JPH1: variants seen among roughly 807,000 people sequenced by gnomAD.
The protein encoded by JPH1 is junctophilin-1.
A neutral mutation model predicts 53.6 loss-of-function variants in JPH1; 12 were observed. The observed-to-expected ratio is 0.22, with a 90% CI of 0.14 to 0.36. The LOEUF (loss-of-function observed/expected upper bound fraction) is 0.36, where lower values mean the gene tolerates loss of function less well. Among genes scored for constraint, JPH1 ranks in the 10% least tolerant of loss-of-function variants. The probability of loss-of-function intolerance (pLI) is 1.00; values close to 1 mark genes in which losing one functional copy is unlikely to be tolerated. For missense variants in JPH1, 808 were observed against 905.5 expected, an observed-to-expected ratio of 0.89 and a Z score of 1.38; for synonymous variants, 375 against 363.8, an observed-to-expected ratio of 1.03 and a Z score of -0.35.
Position 74,235,154 on chromosome 8 carries a change from T to C in JPH1, c.*1897A>G, listed in dbSNP as rs1806959857. On this transcript the variant is annotated 3_prime_UTR_variant, in exon 6 of 6. Coordinates refer to ENST00000342232, the MANE Select transcript of JPH1 (RefSeq NM_020647.4). ...TATTATTTTTTTAAAAAACCAGCTT[T>C]CCCAGCGTAAGGAGCTATAGGGTTT... 6.6e-6 allele frequency: 1 copy of C among 152,466 alleles called. No individual in the cohort carries two copies. Among genetic ancestry groups the C allele is most frequent in the Non-Finnish European group, 1.5e-5 (1 of 68,026 alleles). The allele number at this position is 152,466 out of a possible 1,614,324, so 9.4% of individuals were successfully genotyped here.
At chr8:74,274,790 C>T (rs1362568621) in intron 2 of JPH1, among the ~76,000 whole-genome samples, 3 of 152,158 alleles carry the variant, frequency 2.0e-5, no homozygotes, top group African/African-American at 7.2e-5. Flanking sequence ...AGACAGTTAA[C>T]TTTTGAGGAA....
At chr8:74,245,216 T>C (rs1451561748) in intron 3 of JPH1, 41 bp from the exon 4 acceptor site, 1 of 1,484,786 alleles carries the variant, frequency 6.7e-7, no homozygotes, top group African/African-American at 1.4e-5. Flanking sequence ...AGAAAGGAGG[T>C]ATATATACAT....
rs961749190 is a variant in JPH1, at chr8:74,235,656, T to C, written c.*1395A>G. The C allele has an allele frequency of 6.6e-6, 1 of 152,646 alleles. No homozygotes were observed. The highest frequency in any genetic ancestry group is 2.4e-5 in the African/African-American group (1 of 41,462). The allele number at this position is 152,646 out of a possible 1,614,324, so 9.5% of individuals were successfully genotyped here. A position where few individuals can be genotyped will look rare whatever the true frequency, so the allele number is the denominator to read the frequency against. On this transcript the variant is annotated 3_prime_UTR_variant, in exon 6 of 6. Coordinates refer to ENST00000342232, the MANE Select transcript of JPH1 (RefSeq NM_020647.4). ...TAAGTAATTACTTTTATAAAGACCA[T>C]TTAGTTTCTATAAGTAAGCATGCTT...
In JPH1 at chr8:74,254,461, C is replaced by G. The variant is rs200093125; in HGVS notation, c.1258+4924G>C. Among the ~76,000 whole-genome samples the G allele has an allele frequency of 7.1e-3, 1,080 of 152,044 alleles. 16 individuals carry two copies. The highest frequency in any genetic ancestry group is 0.021 in the African/African-American group (878 of 41,422). On this transcript the variant is annotated intron_variant, in intron 3 of 5. Coordinates refer to ENST00000342232, the MANE Select transcript of JPH1 (RefSeq NM_020647.4). ...CATACTGAATGGGCAAAAACTGGAACCATTCCCTTTGAAAACTGGCACAAG... is the reference window on the plus strand; with the variant it reads ...CATACTGAATGGGCAAAAACTGGAAGCATTCCCTTTGAAAACTGGCACAAG...
chr8:74,276,276 G>T lies in JPH1; in HGVS notation c.1140-16773C>A, dbSNP rs192369896. On this transcript the variant is annotated intron_variant, in intron 2 of 5. Transcript: ENST00000342232. ...GAACAGGTCCCAGATGTCTACACTA[G>T]CCATAGGACCGTGCTCCACTCATCC... is the stretch of plus-strand genomic sequence containing the variant. Among the ~76,000 whole-genome samples, 472 of 152,272 alleles carry T rather than the reference G, an allele frequency of 3.1e-3. 2 individuals carry two copies. The highest frequency in any genetic ancestry group is 0.011 in the African/African-American group (452 of 41,568).
Position 74,320,761 on chromosome 8 carries a change from G to T in JPH1, c.379+148C>A. On this transcript the variant is annotated intron_variant, in intron 1 of 5. Transcript: ENST00000342232. The surrounding 1 kb of genome is among the most constrained non-coding windows in gnomAD (Gnocchi z 4.4). Reference sequence around the variant, plus strand: ...CCAGCGCCCTCTCTGGGAAAGGCGGGCGCGGGCGCGGGGGTGGGAGGCGCC... The same window carrying T: ...CCAGCGCCCTCTCTGGGAAAGGCGGTCGCGGGCGCGGGGGTGGGAGGCGCC... The T allele has an allele frequency of 2.1e-6, 2 of 954,124 alleles. No individual in the cohort carries two copies. Among genetic ancestry groups the T allele is most frequent in the Non-Finnish European group, 2.9e-6 (2 of 691,330 alleles). The allele number at this position is 954,124 out of a possible 1,614,324, so 59.1% of individuals were successfully genotyped here.
chr8:74,318,635 G>A (rs921213180), intron 1 of JPH1, among the ~76,000 whole-genome samples: 22 of 152,108 alleles, frequency 1.4e-4, no homozygotes, highest in South Asian at 2.1e-4. Flanking sequence ...TGGAATTACT[G>A]CTTCCTTCCT....
intron 2 of JPH1, among the ~76,000 whole-genome samples, chr8:74,278,748 C>G (rs7819897): frequency 0.1 from 15,295 of 152,032 alleles, 2,060 homozygotes; most frequent in African/African-American, 0.31. Flanking sequence ...CCTTCATGAG[C>G]GATGACAGAG....
chr8:74,257,064 A>G (rs1471568782), intron 3 of JPH1, among the ~76,000 whole-genome samples: 1 of 152,234 alleles, frequency 6.6e-6, no homozygotes, highest in Non-Finnish European at 1.5e-5. Context: ...AGTGGAGAGC[A>G]TGAGTTATGC....
intron 2 of JPH1, among the ~76,000 whole-genome samples, chr8:74,275,813 A>G (rs1806830914): frequency 6.6e-6 from 1 of 152,150 alleles, no homozygotes; most frequent in African/African-American, 2.4e-5. Flanking sequence ...AGGCAGACAC[A>G]CTTCCCCACC....
chr8:74,286,100 T>C (rs942736591), intron 2 of JPH1, among the ~76,000 whole-genome samples: 1 of 152,330 alleles, frequency 6.6e-6, no homozygotes, highest in Admixed American at 6.5e-5. Context: ...TAGCCTTTCA[T>C]ATGCAATGCT....
intron 2 of JPH1, among the ~76,000 whole-genome samples, chr8:74,284,222 C>T (rs2131423080): frequency 6.6e-6 from 1 of 152,334 alleles, no homozygotes; most frequent in African/African-American, 2.4e-5. Context: ...ACTGAACTCT[C>T]TCCTTTATCC....
chr8:74,314,396 C>T (rs1301595850), intron 2 of JPH1, among the ~76,000 whole-genome samples: 1 of 152,196 alleles, frequency 6.6e-6, no homozygotes, highest in African/African-American at 2.4e-5. Flanking sequence ...GCTAAGTGTA[C>T]ATACCTCCGA....
Position 74,244,559 on chromosome 8 carries a change from T to C in JPH1, c.1875A>G (p.Ser625=). The change falls in exon 4 of 6, where the codon TCA becomes TCG. Residue 625 remains serine, a synonymous_variant. Transcript: ENST00000342232. ...TGGCTTCTTTTTCCAAAGCAGGGCA[T>C]GAATCGTTGCTTGCTGGATTCTTTG... ...AIPKNPASND[S]CPALEKEANS... 1 of 1,611,988 alleles carries C rather than the reference T, an allele frequency of 6.2e-7. No homozygotes were observed. The highest frequency in any genetic ancestry group is 8.5e-7 in the Non-Finnish European group (1 of 1,179,194).
chr8:74,267,914 G>C (rs143836158), intron 2 of JPH1, among the ~76,000 whole-genome samples: 2 of 152,090 alleles, frequency 1.3e-5, no homozygotes, highest in African/African-American at 4.8e-5. Flanking sequence ...AAGAATATAA[G>C]AACAGTGAAA....
intron 2 of JPH1, among the ~76,000 whole-genome samples, chr8:74,267,800 G>T (rs1167030558): frequency 6.6e-6 from 1 of 152,200 alleles, no homozygotes; most frequent in Non-Finnish European, 1.5e-5. Context: ...GATCCTGTCG[G>T]AAGGTGGGAA....
intron 3 of JPH1, among the ~76,000 whole-genome samples, chr8:74,256,480 C>A (rs570735197): frequency 6.7e-6 from 1 of 150,328 alleles, no homozygotes; most frequent in Non-Finnish European, 1.5e-5. Flanking sequence ...CAACATGGCA[C>A]ATGTATACAT....
chr8:74,297,439 C>T (rs1391676439), intron 2 of JPH1, among the ~76,000 whole-genome samples: 3 of 152,182 alleles, frequency 2.0e-5, no homozygotes. Flanking sequence ...TAACACAAAA[C>T]AGACCCTCAG....
chr8:74,319,925 C>A (rs1191501948), intron 1 of JPH1, among the ~76,000 whole-genome samples: 1 of 152,212 alleles, frequency 6.6e-6, no homozygotes, highest in African/African-American at 2.4e-5. Context: ...ATAATGTATA[C>A]TTTTCCTAAT....
Sources: allele counts gnomAD v4.1 joint callset (sites outside exome capture counted in the v4.1 genomes callset), GRCh38; gene constraint gnomAD v4.1.1; non-coding constraint Gnocchi (gnomAD v3.1); transcripts MANE v1.5; gene names NCBI Gene and HGNC (gene_info 2026-07-23, HGNC 2026-07-21).